ABHD18: variants seen among roughly 807,000 people sequenced by gnomAD.
The protein encoded by ABHD18 is cardiolipin-specific deacylase, mitochondrial.
In ABHD18, 55 loss-of-function variants were observed where a neutral mutation model predicts 65.9. That is an observed-to-expected ratio of 0.84 (90% CI 0.67 to 1.05). ABHD18 has a LOEUF of 1.05. Among genes scored for constraint, ABHD18 ranks in the 50% least tolerant of loss-of-function variants. The probability of loss-of-function intolerance (pLI) is 0.00; values close to 1 mark genes in which losing one functional copy is unlikely to be tolerated. For synonymous variants in ABHD18, 181 were observed against 180.2 expected, an observed-to-expected ratio of 1.00 and a Z score of -0.04; for missense variants, 533 against 558.5, an observed-to-expected ratio of 0.95 and a Z score of 0.46.
chr4:128,028,760 A>G lies in ABHD18; in HGVS notation c.1087A>G (p.Ser363Gly). The G allele has an allele frequency of 6.2e-7, 1 of 1,613,700 alleles. No homozygotes were observed. The highest frequency in any genetic ancestry group is 1.1e-5 in the South Asian group (1 of 90,976). ...SRNPQSYHLL[S>G]KEQSRNSLRK... ...CAACCCTCAGTCATACCACCTACTT[A>G]GTAAAGAACAAAGCAGAAACAGTCT... The change falls in exon 11 of 13, where the codon AGT (serine) becomes GGT (glycine). Residue 363 changes from serine to glycine, a missense_variant. By Grantham distance (56) the Ser-to-Gly change is moderately conservative (BLOSUM62 0). Transcript: ENST00000645843.
intron 4 of ABHD18, among the ~76,000 whole-genome samples, chr4:128,002,592 C>CA (rs539050560): frequency 6.2e-5 from 9 of 144,690 alleles, no homozygotes; most frequent in Non-Finnish European, 1.1e-4. Flanking sequence ...GACTCTGTCT[C>CA]AAAAAAAAGA....
At chr4:127,994,697 A>G (rs1751461175) in intron 4 of ABHD18, among the ~76,000 whole-genome samples, 1 of 152,232 alleles carries the variant, frequency 6.6e-6, no homozygotes, top group Non-Finnish European at 1.5e-5. Context: ...GAATTCTAAT[A>G]CAAGTTCAGG....
At chr4:127,967,271 G>A (rs571667414) in intron 1 of ABHD18, among the ~76,000 whole-genome samples, 3 of 151,854 alleles carry the variant, frequency 2.0e-5, no homozygotes, top group Admixed American at 6.6e-5. Flanking sequence ...TGTCTCATGT[G>A]TACAAGGAAA....
chr4:127,991,273 C>T (rs185590537), intron 4 of ABHD18, among the ~76,000 whole-genome samples: 174 of 152,310 alleles, frequency 1.1e-3, no homozygotes, highest in Admixed American at 3.8e-3. Flanking sequence ...GCTCTGTTGC[C>T]TAGGCTAGAT....
intron 7 of ABHD18, among the ~76,000 whole-genome samples, chr4:128,015,055 T>G (rs1241445068): frequency 2.1e-5 from 3 of 145,050 alleles, no homozygotes; most frequent in Non-Finnish European, 4.5e-5. Flanking sequence ...CCAGCTTGAG[T>G]GACAAGCGCG....
chr4:127,997,100 T>TAAA (rs1158160181), intron 4 of ABHD18, among the ~76,000 whole-genome samples: 3 of 152,190 alleles, frequency 2.0e-5, no homozygotes, highest in African/African-American at 7.2e-5. Context: ...GGAGAAGTGA[T>TAAA]AAACGTCCAT....
chr4:128,003,323 G>A (rs377207101), intron 4 of ABHD18, among the ~76,000 whole-genome samples: 4 of 151,042 alleles, frequency 2.6e-5, no homozygotes, highest in East Asian at 2.0e-4. Flanking sequence ...AGCCGAGATC[G>A]CGCCACTGTA....
At chr4:127,967,114 T>C (rs930065374) in intron 1 of ABHD18, among the ~76,000 whole-genome samples, 2 of 151,898 alleles carry the variant, frequency 1.3e-5, no homozygotes, top group Admixed American at 1.3e-4. Flanking sequence ...TCCTGGGGGC[T>C]AGCAATGTAT....
At chr4:127,995,047 T>C (rs529972604) in intron 4 of ABHD18, among the ~76,000 whole-genome samples, 116 of 152,186 alleles carry the variant, frequency 7.6e-4, no homozygotes, top group African/African-American at 2.6e-3. Context: ...GCCTGGCTAA[T>C]TTTTGTATTT....
chr4:127,999,103 G>A (rs1752252102), intron 4 of ABHD18, among the ~76,000 whole-genome samples: 1 of 151,722 alleles, frequency 6.6e-6, no homozygotes, highest in Non-Finnish European at 1.5e-5. Flanking sequence ...GGCCAACATG[G>A]TGAAACCACA....
intron 2 of ABHD18, 33 bp from the exon 3 acceptor site, chr4:127,984,306 A>T: frequency 7.3e-7 from 1 of 1,377,636 alleles, no homozygotes; most frequent in Non-Finnish European, 1.0e-6. Context: ...TAAAAGATTA[A>T]TTTTTTCCTT....
chr4:128,011,144 T>C (rs1374222133), intron 6 of ABHD18, among the ~76,000 whole-genome samples: 1 of 151,748 alleles, frequency 6.6e-6, no homozygotes, highest in Non-Finnish European at 1.5e-5. Context: ...AATTATGTGA[T>C]ATATGATTTT....
chr4:128,014,517 GA>G lies in ABHD18; in HGVS notation c.470+2819del, dbSNP rs1442503388. Among the ~76,000 whole-genome samples the G allele has an allele frequency of 2.6e-5, 4 of 152,240 alleles. No homozygotes were observed. The East Asian group carries it at 7.7e-4, about 29-fold the overall frequency. ...AATACTATGTAATTTCTTCCATGTAGAAGTGTTGTGAGAATTATAATGTTTA... is the reference window on the plus strand; with the variant it reads ...AATACTATGTAATTTCTTCCATGTAGAGTGTTGTGAGAATTATAATGTTTA... On this transcript the variant is annotated intron_variant, in intron 7 of 12. Transcript: ENST00000645843.
chr4:128,013,551 A>G (rs1456175874), intron 7 of ABHD18, among the ~76,000 whole-genome samples: 6 of 151,918 alleles, frequency 3.9e-5, no homozygotes, highest in Non-Finnish European at 8.8e-5. Context: ...ATACAACAAA[A>G]TCCGGGCGTG....
At chr4:127,983,944 CAGG>C (rs1293037885) in intron 2 of ABHD18, among the ~76,000 whole-genome samples, 1 of 151,790 alleles carries the variant, frequency 6.6e-6, no homozygotes, top group African/African-American at 2.4e-5. Context: ...GAGAGTGAAG[CAGG>C]AGAATTGCTT....
chr4:127,995,680 A>G (rs1320852853), intron 4 of ABHD18, among the ~76,000 whole-genome samples: 1 of 152,210 alleles, frequency 6.6e-6, no homozygotes, highest in Non-Finnish European at 1.5e-5. Flanking sequence ...TTTTAAATAT[A>G]AGTATGTAAC....
Position 128,038,409 on chromosome 4 carries a change from CAAAT to C in ABHD18, c.*2598_*2601del, listed in dbSNP as rs892770604. 1.3e-5 allele frequency: 2 copies of C among 152,072 alleles called. No individual in the cohort carries two copies. Among genetic ancestry groups the C allele is most frequent in the African/African-American group, 4.8e-5 (2 of 41,430 alleles). 9.4% of individuals were successfully genotyped at this position (152,072 alleles called of 1,614,324 possible). ...TTTTTGAACAATGGTTTTAGTAAAA[CAAAT>C]ACTTTATTATTGTTCACATAAACAT... On this transcript the variant is annotated 3_prime_UTR_variant, in exon 13 of 13. Coordinates refer to ENST00000645843, the MANE Select transcript of ABHD18 (RefSeq NM_001358451.3).
chr4:127,973,706 T>C (rs1188613579), intron 1 of ABHD18, among the ~76,000 whole-genome samples: 1 of 150,998 alleles, frequency 6.6e-6, no homozygotes, highest in African/African-American at 2.4e-5. Flanking sequence ...ATTTTCCTGC[T>C]GGCCTTGAAG....
intron 4 of ABHD18, among the ~76,000 whole-genome samples, chr4:127,999,229 A>G (rs1752273135): frequency 6.6e-6 from 1 of 152,110 alleles, no homozygotes; most frequent in Non-Finnish European, 1.5e-5. Context: ...GGTTGCAGTG[A>G]GCAGAGATCG....
Sources: allele counts gnomAD v4.1 joint callset (sites outside exome capture counted in the v4.1 genomes callset), GRCh38; gene constraint gnomAD v4.1.1; transcripts MANE v1.5; gene names NCBI Gene and HGNC (gene_info 2026-07-23, HGNC 2026-07-21).